AGBL4: variants seen among roughly 807,000 people sequenced by gnomAD.
AGBL4 encodes the protein AGBL carboxypeptidase 4.
A neutral mutation model predicts 66.4 loss-of-function variants in AGBL4; 58 were observed. The observed-to-expected ratio is 0.87, with a 90% CI of 0.71 to 1.09. AGBL4 has a LOEUF of 1.09. Ranked by LOEUF, AGBL4 falls within the 50% of genes least tolerant of loss-of-function variation. AGBL4 has a pLI of 0.00. For missense variants in AGBL4, 579 were observed against 631.0 expected (o/e 0.92, Z 0.88); for synonymous variants, 234 against 222.9 (o/e 1.05, Z -0.44).
intron 4 of AGBL4, among the ~76,000 whole-genome samples, chr1:49,108,749 T>C (rs1287090473): frequency 1.3e-5 from 2 of 152,164 alleles, no homozygotes; most frequent in African/African-American, 2.4e-5. Context: ...TAAAACCCCA[T>C]GTGCCACCTG....
chr1:49,190,471 T>C (rs1647096691), intron 4 of AGBL4, among the ~76,000 whole-genome samples: 1 of 152,194 alleles, frequency 6.6e-6, no homozygotes, highest in South Asian at 2.1e-4. Context: ...GGTTTGACTT[T>C]GCATTCATCA....
intron 6 of AGBL4, among the ~76,000 whole-genome samples, chr1:48,692,128 C>T: frequency 6.6e-6 from 1 of 152,142 alleles, no homozygotes; most frequent in African/African-American, 2.4e-5. Flanking sequence ...ACCTCCCTCC[C>T]ATTCAAAGTC....
chr1:48,970,514 T>G (rs1417219079), intron 5 of AGBL4, among the ~76,000 whole-genome samples: 1 of 152,206 alleles, frequency 6.6e-6, no homozygotes, highest in Non-Finnish European at 1.5e-5. Flanking sequence ...CCATTTTCAT[T>G]AAGTTTTCAC....
intron 9 of AGBL4, among the ~76,000 whole-genome samples, chr1:48,605,014 G>C (rs1645134268): frequency 6.6e-6 from 1 of 152,096 alleles, no homozygotes; most frequent in African/African-American, 2.4e-5. Context: ...CCTTTCCTTT[G>C]ACACATGAAA....
intron 3 of AGBL4, among the ~76,000 whole-genome samples, chr1:49,395,840 T>C (rs1227072521): frequency 3.6e-5 from 3 of 82,736 alleles, no homozygotes; most frequent in African/African-American, 1.5e-4. Context: ...TGTATATATA[T>C]ATATATATAC....
intron 3 of AGBL4, among the ~76,000 whole-genome samples, chr1:49,397,738 TTA>T (rs1314395421): frequency 6.6e-6 from 1 of 152,176 alleles, no homozygotes; most frequent in Non-Finnish European, 1.5e-5. Context: ...TTAAGTATGC[TTA>T]TGTCTCTCCA....
chr1:48,615,829 C>T (rs1288412050), intron 9 of AGBL4, among the ~76,000 whole-genome samples: 1 of 152,144 alleles, frequency 6.6e-6, no homozygotes, highest in Non-Finnish European at 1.5e-5. Context: ...AAATTTATTT[C>T]TCACAGTTCT....
chr1:49,237,717 T>C (rs1435771316), intron 4 of AGBL4, among the ~76,000 whole-genome samples: 1 of 151,856 alleles, frequency 6.6e-6, no homozygotes, highest in African/African-American at 2.4e-5. Flanking sequence ...ATGTCAATGT[T>C]ATAATTTTTG....
chr1:48,950,803 C>G (rs1319120923), intron 5 of AGBL4, among the ~76,000 whole-genome samples: 1 of 152,294 alleles, frequency 6.6e-6, no homozygotes, highest in African/African-American at 2.4e-5. Flanking sequence ...TCTGCCCTAG[C>G]TTGCTGTTGC....
At chr1:49,273,206 G>A (rs1644096894) in intron 3 of AGBL4, among the ~76,000 whole-genome samples, 1 of 151,922 alleles carries the variant, frequency 6.6e-6, no homozygotes, top group Non-Finnish European at 1.5e-5. Context: ...CTCTAACTTT[G>A]GTCATTGGCT....
intron 6 of AGBL4, among the ~76,000 whole-genome samples, chr1:48,740,354 T>C (rs938898483): frequency 3.9e-5 from 6 of 152,226 alleles, no homozygotes; most frequent in African/African-American, 1.2e-4. Context: ...GCCTCTAACC[T>C]GTTATGTAAT....
chr1:49,108,633 CA>C (rs1645344723), intron 4 of AGBL4, among the ~76,000 whole-genome samples: 2 of 152,106 alleles, frequency 1.3e-5, no homozygotes, highest in Admixed American at 6.5e-5. Context: ...TTTGCACTGT[CA>C]GGGGAGAACG....
chr1:49,242,034 T>C (rs1651278575), intron 4 of AGBL4, among the ~76,000 whole-genome samples: 1 of 151,946 alleles, frequency 6.6e-6, no homozygotes, highest in Admixed American at 6.6e-5. Context: ...TGTCTCCTTT[T>C]CCCCTCGTGG....
intron 3 of AGBL4, among the ~76,000 whole-genome samples, chr1:49,487,330 T>A (rs2148736557): frequency 6.6e-6 from 1 of 152,082 alleles, no homozygotes; most frequent in Non-Finnish European, 1.5e-5. Context: ...GACAACTATA[T>A]GAGGTAGGTG....
At position 49,973,864 on chromosome 1, in the gene AGBL4, T is replaced by C. The variant is rs574375894; in HGVS notation, c.34+49899A>G. 4.6e-5 allele frequency among the ~76,000 whole-genome samples: 7 copies of C among 151,894 alleles called. No homozygotes were observed. In the South Asian group the frequency reaches 1.5e-3, roughly 32 times the overall value. ...ATTGAATTTTCTGTACTGAGGATTTTACCAGACTGGAGGAAGGGAATAAGA... is the reference window on the plus strand; with the variant it reads ...ATTGAATTTTCTGTACTGAGGATTTCACCAGACTGGAGGAAGGGAATAAGA... On this transcript the variant is annotated intron_variant, in intron 1 of 13. Transcript: ENST00000371839.
chr1:48,971,192 G>T (rs1164305115), intron 5 of AGBL4, among the ~76,000 whole-genome samples: 1 of 152,162 alleles, frequency 6.6e-6, no homozygotes, highest in African/African-American at 2.4e-5. Context: ...TGGGCAAGGA[G>T]TGAGAATTAC....
At chr1:49,769,833 G>A (rs904553077) in intron 2 of AGBL4, among the ~76,000 whole-genome samples, 2 of 152,050 alleles carry the variant, frequency 1.3e-5, no homozygotes, top group Non-Finnish European at 2.9e-5. Context: ...AGATTTAAAC[G>A]TAAGACCTCA....
At chr1:50,000,995 A>T (rs1197336370) in intron 1 of AGBL4, among the ~76,000 whole-genome samples, 1 of 152,078 alleles carries the variant, frequency 6.6e-6, no homozygotes, top group Non-Finnish European at 1.5e-5. Flanking sequence ...AAAGTCTCAG[A>T]GACCACGACT....
chr1:49,610,967 T>C (rs967097578), intron 3 of AGBL4, among the ~76,000 whole-genome samples: 1 of 152,114 alleles, frequency 6.6e-6, no homozygotes, highest in Non-Finnish European at 1.5e-5. Context: ...GTGAACAGAA[T>C]TGGAAAACCA....
Sources: allele counts gnomAD v4.1 joint callset (sites outside exome capture counted in the v4.1 genomes callset), GRCh38; gene constraint gnomAD v4.1.1; transcripts MANE v1.5; gene names NCBI Gene and HGNC (gene_info 2026-07-23, HGNC 2026-07-21).